Variants in M1AP observed in about 807,000 individuals in gnomAD.
M1AP encodes the protein meiosis 1 associated protein, also known as meiosis 1 arrest protein.
In M1AP, 39 loss-of-function variants were observed where a neutral mutation model predicts 51.2. The ratio of observed to expected loss-of-function variants is 0.76; its 90% CI spans 0.59 to 1.00. M1AP has a LOEUF of 1.00. Ranked by LOEUF, M1AP falls within the 50% of genes least tolerant of loss-of-function variation. The pLI is 0.00. For synonymous variants in M1AP, 251 were observed against 249.2 expected, an observed-to-expected ratio of 1.01 and a Z score of -0.07; for missense variants, 545 against 641.2, an observed-to-expected ratio of 0.85 and a Z score of 1.62.
intron 1 of M1AP, chr2:74,647,959 G>A (rs1683703034): frequency 3.2e-6 from 3 of 946,582 alleles, no homozygotes; most frequent in South Asian, 4.9e-5. Flanking sequence ...GTGGTCCCTC[G>A]GCATGGCGCC....
At chr2:74,585,642 C>T (rs1679664387) in intron 4 of M1AP, among the ~76,000 whole-genome samples, 1 of 152,218 alleles carries the variant, frequency 6.6e-6, no homozygotes, top group African/African-American at 2.4e-5. Context: ...CTCATATAAT[C>T]TCCACAGAGG....
At chr2:74,638,295 C>G (rs1683099490) in intron 2 of M1AP, among the ~76,000 whole-genome samples, 1 of 152,194 alleles carries the variant, frequency 6.6e-6, no homozygotes, top group Admixed American at 6.5e-5. Context: ...CTCAGGTGAT[C>G]TGCAAGCTGG....
rs373132917 is a variant in M1AP, at chr2:74,581,773, T to A, written c.670A>T (p.Lys224Ter). Reference protein sequence around the residue: ...NDIVSMEIFFKAWLHNSGTDQ... With the variant: ...NDIVSMEIFF The stretch of plus-strand genomic sequence containing the variant: ...GTTCCACTGTTATGTAGCCAGGCTT[T>A]GAAGAAAATCTCCATGCTGACGATA... The change falls in exon 5 of 11, where the codon AAA becomes TAA. Residue 224 changes from lysine (K) to a stop codon, truncating the protein, a stop_gained. Coordinates refer to ENST00000421985, the MANE Select transcript of M1AP (RefSeq NM_001321739.2). LOFTEE classifies it high-confidence loss of function. 5 of 1,613,982 alleles carry A rather than the reference T, an allele frequency of 3.1e-6. No homozygotes were observed. The highest frequency in any genetic ancestry group is 4.2e-6 in the Non-Finnish European group (5 of 1,179,954).
intron 4 of M1AP, among the ~76,000 whole-genome samples, chr2:74,605,034 A>G (rs1457523558): frequency 6.6e-6 from 1 of 152,142 alleles, no homozygotes; most frequent in Non-Finnish European, 1.5e-5. Flanking sequence ...TGGTGAAAGA[A>G]AGTCAAAACT....
chr2:74,573,641 C>T (rs1243652588), intron 7 of M1AP, among the ~76,000 whole-genome samples: 1 of 152,142 alleles, frequency 6.6e-6, no homozygotes, highest in Admixed American at 6.5e-5. Context: ...ACGTGAGTCA[C>T]CACACCAGGT....
intron 4 of M1AP, among the ~76,000 whole-genome samples, chr2:74,597,347 CTT>C (rs1680402242): frequency 6.6e-6 from 1 of 152,162 alleles, no homozygotes; most frequent in Non-Finnish European, 1.5e-5. Flanking sequence ...AGGGAAATGA[CTT>C]TAATGCAGTT....
chr2:74,575,386 T>C (rs781349044), intron 7 of M1AP, 52 bp downstream of exon 7: 1 of 1,609,928 alleles, frequency 6.2e-7, no homozygotes, highest in East Asian at 2.2e-5. Flanking sequence ...TTTTCTGTGG[T>C]TGGTACTTTA....
rs1677820572 is a variant in M1AP, at chr2:74,560,234, G to A, written c.1339C>T (p.His447Tyr). The A allele has an allele frequency of 6.2e-7, 1 of 1,613,730 alleles. No individual in the cohort carries two copies. Among genetic ancestry groups the A allele is most frequent in the Non-Finnish European group, 8.5e-7 (1 of 1,179,908 alleles). Residue 447 changes from histidine to tyrosine, a missense_variant, in exon 9 of 11, where the codon CAC (histidine) becomes TAC (tyrosine). His to Tyr is a moderately conservative substitution (Grantham distance 83, BLOSUM62 2). Transcript: ENST00000421985. The part of the protein sequence containing the change: ...PTYNPLHVQS[H>Y]LYSHLSSIYA... Reference sequence around the variant, plus strand: ...ATGCTGCTCAGGTGTGAGTACAGGTGGCTTTGAACATGCAAGGGGTTGTAG... The same window carrying A: ...ATGCTGCTCAGGTGTGAGTACAGGTAGCTTTGAACATGCAAGGGGTTGTAG...
intron 4 of M1AP, among the ~76,000 whole-genome samples, chr2:74,601,633 A>T (rs1226742252): frequency 6.6e-6 from 1 of 152,172 alleles, no homozygotes; most frequent in Non-Finnish European, 1.5e-5. Context: ...TTTAAAGAAT[A>T]AAATGAAAAA....
At chr2:74,562,085 T>C (rs1678053901) in intron 8 of M1AP, 132 bp downstream of exon 8, 1 of 1,435,466 alleles carries the variant, frequency 7.0e-7, no homozygotes, top group African/African-American at 1.4e-5. Flanking sequence ...ATCCTTGCTT[T>C]CTCTTCTTAC....
chr2:74,583,904 T>C (rs1213095836), intron 4 of M1AP, among the ~76,000 whole-genome samples: 1 of 152,236 alleles, frequency 6.6e-6, no homozygotes, highest in Non-Finnish European at 1.5e-5. Context: ...GCCAGAATGA[T>C]AAAAACTCTG....
At chr2:74,563,479 A>G (rs1172399565) in intron 7 of M1AP, among the ~76,000 whole-genome samples, 1 of 151,994 alleles carries the variant, frequency 6.6e-6, no homozygotes, top group South Asian at 2.1e-4. Flanking sequence ...CATGCCTGTA[A>G]TCCGAGCTAC....
At chr2:74,617,355 T>G (rs1052661021) in intron 2 of M1AP, among the ~76,000 whole-genome samples, 28 of 152,202 alleles carry the variant, frequency 1.8e-4, no homozygotes, top group Admixed American at 1.6e-3. Context: ...GGACTAAGCT[T>G]GTTTGTGTCT....
At chr2:74,562,451 G>A (rs368526345) in intron 7 of M1AP, 28 bp from the exon 8 acceptor site, 13 of 1,612,756 alleles carry the variant, frequency 8.1e-6, no homozygotes, top group African/African-American at 1.3e-5. Context: ...AGAAATACTG[G>A]TTCATCTTTA....
At chr2:74,638,699 G>A (rs552221100) in intron 2 of M1AP, among the ~76,000 whole-genome samples, 3 of 152,150 alleles carry the variant, frequency 2.0e-5, no homozygotes, top group East Asian at 1.9e-4. Flanking sequence ...AAGTGAATAC[G>A]CCATCTTGCA....
chr2:74,602,402 A>C (rs1234642038), intron 4 of M1AP, among the ~76,000 whole-genome samples: 1 of 152,180 alleles, frequency 6.6e-6, no homozygotes, highest in African/African-American at 2.4e-5. Flanking sequence ...ATATACAAAA[A>C]TTTTCAAAAA....
At chr2:74,590,681 T>C (rs1211176061) in intron 4 of M1AP, among the ~76,000 whole-genome samples, 2 of 152,172 alleles carry the variant, frequency 1.3e-5, no homozygotes, top group African/African-American at 4.8e-5. Flanking sequence ...GAAGCTGCAC[T>C]GCACCCCTCA....
chr2:74,617,037 G>A (rs1359533079), intron 2 of M1AP, among the ~76,000 whole-genome samples: 1 of 152,186 alleles, frequency 6.6e-6, no homozygotes, highest in African/African-American at 2.4e-5. Flanking sequence ...TAAAAGAAAT[G>A]TAACTTAACT....
At chr2:74,607,028 C>T in intron 4 of M1AP, 27 bp downstream of exon 4, 1 of 1,604,756 alleles carries the variant, frequency 6.2e-7, no homozygotes, top group Non-Finnish European at 8.5e-7. Flanking sequence ...TCTTACAATT[C>T]TTTTTACCTT....
Sources: allele counts gnomAD v4.1 joint callset (sites outside exome capture counted in the v4.1 genomes callset), GRCh38; gene constraint gnomAD v4.1.1; transcripts MANE v1.5; gene names NCBI Gene and HGNC (gene_info 2026-07-23, HGNC 2026-07-21).